The following TBC1D19 variants were observed in gnomAD, a reference collection of about 807,000 sequenced individuals.
The protein encoded by TBC1D19 is TBC1 domain family member 19.
Under a neutral mutation model 89.0 loss-of-function variants are expected in TBC1D19, and 60 were observed. The observed-to-expected ratio is 0.67, with a 90% confidence interval of 0.55 to 0.84. The LOEUF (loss-of-function observed/expected upper bound fraction) is 0.84, where lower values mean the gene tolerates loss of function less well. Ranked by LOEUF, TBC1D19 falls within the 40% of genes least tolerant of loss-of-function variation. The pLI, the probability that TBC1D19 is intolerant of heterozygous loss-of-function variation, is 0.00. For missense variants in TBC1D19, 500 were observed against 610.8 expected, an observed-to-expected ratio of 0.82 and a Z score of 1.91; for synonymous variants, 189 against 199.7, an observed-to-expected ratio of 0.95 and a Z score of 0.45.
chr4:26,626,515 C>T (rs1314389932), intron 4 of TBC1D19, among the ~76,000 whole-genome samples: 3 of 152,096 alleles, frequency 2.0e-5, no homozygotes, highest in African/African-American at 7.2e-5. Flanking sequence ...GGTCTTAGTT[C>T]TCACTTTACA....
chr4:26,637,088 T>G, intron 4 of TBC1D19, 123 bp from the exon 5 acceptor site: 1 of 668,218 alleles, frequency 1.5e-6, no homozygotes, highest in Admixed American at 2.9e-5. Flanking sequence ...AGTGGACTAA[T>G]AAATAAGGAT....
intron 8 of TBC1D19, among the ~76,000 whole-genome samples, chr4:26,664,060 A>G (rs538774008): frequency 6.6e-6 from 1 of 152,324 alleles, no homozygotes; most frequent in Non-Finnish European, 1.5e-5. Flanking sequence ...GCCCTGTGCC[A>G]AGTAGTAAAG....
At chr4:26,762,806 A>T in the TBC1D19 span, among the ~76,000 whole-genome samples, 2 of 152,196 alleles carry the variant, frequency 1.3e-5, no homozygotes, top group Non-Finnish European at 1.5e-5. Flanking sequence ...GGTGTCACAC[A>T]GCTGGCTTTA....
chr4:26,673,051 AC>A (rs1712454276), intron 10 of TBC1D19, among the ~76,000 whole-genome samples: 1 of 151,568 alleles, frequency 6.6e-6, no homozygotes, highest in Non-Finnish European at 1.5e-5. Flanking sequence ...GTTTTTTTGG[AC>A]CTTTATTTCC....
At chr4:26,793,722 C>CAAAAAA in the TBC1D19 span, among the ~76,000 whole-genome samples, 4 of 78,990 alleles carry the variant, frequency 5.1e-5, no homozygotes, top group Non-Finnish European at 9.5e-5. Flanking sequence ...GACTTCGTCT[C>CAAAAAA]AAAAAAAAAA....
the TBC1D19 span, among the ~76,000 whole-genome samples, chr4:26,785,662 G>C: frequency 6.6e-6 from 1 of 152,298 alleles, no homozygotes; most frequent in South Asian, 2.1e-4. Flanking sequence ...TTTGGGTGGG[G>C]ACCACGGCAT....
intron 3 of TBC1D19, among the ~76,000 whole-genome samples, chr4:26,619,540 A>G (rs1050041842): frequency 1.1e-4 from 16 of 152,186 alleles, no homozygotes; most frequent in African/African-American, 3.6e-4. Context: ...TAAATTTTAC[A>G]TAATTACCAT....
chr4:26,651,960 A>G (rs1184438740), intron 7 of TBC1D19, among the ~76,000 whole-genome samples: 2 of 152,054 alleles, frequency 1.3e-5, no homozygotes, highest in African/African-American at 2.4e-5. Flanking sequence ...TTCTGCATCT[A>G]TTGGGATAAT....
At chr4:26,761,480 G>A in the TBC1D19 span, among the ~76,000 whole-genome samples, 1 of 151,888 alleles carries the variant, frequency 6.6e-6, no homozygotes, top group African/African-American at 2.4e-5. Context: ...TTTAAACAAT[G>A]GTATTTTATT....
chr4:26,796,969 T>C, the TBC1D19 span, among the ~76,000 whole-genome samples: 1 of 152,180 alleles, frequency 6.6e-6, no homozygotes, highest in Non-Finnish European at 1.5e-5. Context: ...AAGTTAAATT[T>C]TATGGTATAT....
chr4:26,730,686 C>A (rs188548155), intron 15 of TBC1D19, among the ~76,000 whole-genome samples: 1 of 152,272 alleles, frequency 6.6e-6, no homozygotes, highest in East Asian at 1.9e-4. Context: ...CCTGTGGTAT[C>A]CCCACCCACT....
At chr4:26,758,228 G>C (rs1017799965), downstream of TBC1D19, among the ~76,000 whole-genome samples, 1 of 152,086 alleles carries the variant, frequency 6.6e-6, no homozygotes, top group African/African-American at 2.4e-5. Context: ...TTCTGATTTT[G>C]TCACTTTATT....
At chr4:26,616,725 A>G (rs936789225) in intron 3 of TBC1D19, among the ~76,000 whole-genome samples, 4 of 152,186 alleles carry the variant, frequency 2.6e-5, no homozygotes, top group African/African-American at 9.6e-5. Context: ...CTTATTTAAC[A>G]AATACACTAG....
At chr4:26,850,319 C>A in the TBC1D19 span, among the ~76,000 whole-genome samples, 2 of 151,730 alleles carry the variant, frequency 1.3e-5, no homozygotes, top group Non-Finnish European at 2.9e-5. Flanking sequence ...GAGGCTGAGG[C>A]AGGTGGATCG....
chr4:26,773,675 C>T, the TBC1D19 span, among the ~76,000 whole-genome samples: 2 of 152,166 alleles, frequency 1.3e-5, no homozygotes, highest in Admixed American at 1.3e-4. Flanking sequence ...TTTCAATTTT[C>T]TGCATATGGC....
intron 11 of TBC1D19, among the ~76,000 whole-genome samples, chr4:26,680,403 C>G (rs1713231592): frequency 6.6e-6 from 1 of 152,128 alleles, no homozygotes; most frequent in African/African-American, 2.4e-5. Context: ...TCTCTACTCA[C>G]TCCTTCTCAT....
the TBC1D19 span, among the ~76,000 whole-genome samples, chr4:26,809,819 C>T: frequency 2.0e-5 from 3 of 152,318 alleles, no homozygotes; most frequent in East Asian, 5.8e-4. Context: ...ATCAAACTCT[C>T]TTCCATTACC....
At chr4:26,760,395 C>T (rs28824849), downstream of TBC1D19, among the ~76,000 whole-genome samples, 4,943 of 151,996 alleles carry the variant, frequency 0.033, 268 homozygotes, top group African/African-American at 0.11. Context: ...AAACCACATC[C>T]CTACAAAAAA....
chr4:26,660,945 T>G (rs1017588739), intron 8 of TBC1D19, among the ~76,000 whole-genome samples: 2 of 152,234 alleles, frequency 1.3e-5, no homozygotes, highest in African/African-American at 4.8e-5. Flanking sequence ...ACCTATTTCC[T>G]GACTAGACAC....
Sources: gnomAD v4.1 joint callset for allele counts (sites outside exome capture counted in the v4.1 genomes callset) on GRCh38, gnomAD v4.1.1 for gene constraint, MANE v1.5 for transcripts, NCBI Gene and HGNC (gene_info 2026-07-23, HGNC 2026-07-21) for gene names.